Variants in PAMR1 observed in about 807,000 individuals in gnomAD.
PAMR1 encodes peptidase domain containing associated with muscle regeneration 1, also known as inactive serine protease PAMR1.
PAMR1 carries 88 observed loss-of-function variants against 81.8 expected under a neutral mutation model. That is an observed-to-expected ratio of 1.08 (90% CI 0.91 to 1.28). The LOEUF is 1.28. Among genes scored for constraint, PAMR1 ranks in the 50% most tolerant of loss-of-function variants. PAMR1 has a pLI of 0.00. For missense variants in PAMR1, 935 were observed against 919.7 expected (o/e 1.02, Z -0.21); for synonymous variants, 336 against 345.3 (o/e 0.97, Z 0.30).
Position 35,432,411 on chromosome 11 carries a change from G to C in PAMR1, c.2108C>G (p.Thr703Ser). 1 of 1,614,030 alleles carries C rather than the reference G, an allele frequency of 6.2e-7. No homozygotes were observed. Among genetic ancestry groups the C allele is most frequent in the Non-Finnish European group, 8.5e-7 (1 of 1,180,038 alleles). ...YDKTCSHRLS[T>S]AFTKVLPFKD... ...AAAAGGCAGCACCTTGGTGAAGGCA[G>C]TGGAGAGCCTGTGGCTGCATGTTTT... Residue 703 changes from threonine (T) to serine (S), a missense_variant, in exon 11 of 11, where the codon ACT becomes AGT. By Grantham distance (58) the Thr-to-Ser change is moderately conservative (BLOSUM62 1). Transcript: ENST00000619888.
At chr11:35,469,046 T>G (rs1411325253) in intron 5 of PAMR1, among the ~76,000 whole-genome samples, 1 of 152,170 alleles carries the variant, frequency 6.6e-6, no homozygotes, top group African/African-American at 2.4e-5. Flanking sequence ...ATAGTTAGTG[T>G]ATTACGAAGA....
In PAMR1 at chr11:35,436,015, A is replaced by G. The variant is rs140461507; in HGVS notation, c.1221T>C (p.His407=). The G allele has an allele frequency of 6.2e-7, 1 of 1,613,986 alleles. No homozygotes were observed. The highest frequency in any genetic ancestry group is 8.5e-7 in the Non-Finnish European group (1 of 1,179,990). Residue 407 remains histidine, a synonymous_variant, in exon 9 of 11, where the codon CAT becomes CAC. Transcript: ENST00000619888. The part of the protein sequence containing the change: ...GDLPMGYQHL[H]TQLQYECISP... ...AGATGCACTCATACTGGAGCTGGGT[A>G]TGCAGATGTTGGTATCCCATGGGCA...
chr11:35,435,965 C>T lies in PAMR1; in HGVS notation c.1271G>A (p.Ser424Asn). Residue 424 changes from serine (S) to asparagine (N), a missense_variant, in exon 9 of 11, where the codon AGC (serine) becomes AAC (asparagine). Transcript: ENST00000619888. ...CISPFYRRLG[S>N]SRRTCLRTGK... is the part of the protein sequence containing the mutation. ...AGTCCTCAGACATGTCCTCCTGCTG[C>T]TGCCCAGGCGGCGGTAGAAGGGTGA... 6.2e-7 allele frequency: 1 copy of T among 1,614,238 alleles called. No homozygotes were observed.
chr11:35,504,436 A>T (rs561580175), intron 1 of PAMR1, among the ~76,000 whole-genome samples: 2 of 152,102 alleles, frequency 1.3e-5, no homozygotes, highest in South Asian at 4.1e-4. Context: ...TTTTTGGTAG[A>T]GTTTAAGGAA....
chr11:35,468,894 C>T (rs1194528567), intron 5 of PAMR1, among the ~76,000 whole-genome samples: 1 of 152,186 alleles, frequency 6.6e-6, no homozygotes, highest in Non-Finnish European at 1.5e-5. Flanking sequence ...AAGTATATTC[C>T]TTGGCTCAGT....
intron 6 of PAMR1, among the ~76,000 whole-genome samples, chr11:35,466,640 T>G (rs1856761813): frequency 7.1e-6 from 1 of 141,542 alleles, no homozygotes. Context: ...GGCAGGAGAA[T>G]GGCGTGAACC....
At chr11:35,466,551 A>G (rs370819058) in intron 6 of PAMR1, among the ~76,000 whole-genome samples, 89 of 151,932 alleles carry the variant, frequency 5.9e-4, no homozygotes, top group African/African-American at 2.1e-3. Flanking sequence ...CACGGTGCAA[A>G]CCCGTCTCTG....
upstream of PAMR1, among the ~76,000 whole-genome samples, chr11:35,529,224 CA>C (rs565527969): frequency 4.9e-4 from 74 of 152,300 alleles, no homozygotes; most frequent in Non-Finnish European, 6.5e-4. Flanking sequence ...AAATCATATG[CA>C]AATTTTTGCA....
chr11:35,511,985 G>A (rs1851081673), intron 1 of PAMR1, among the ~76,000 whole-genome samples: 1 of 152,176 alleles, frequency 6.6e-6, no homozygotes, highest in African/African-American at 2.4e-5. Context: ...AGTCTAGCCT[G>A]GCTGGATCTC....
At position 35,494,652 on chromosome 11, in the gene PAMR1, T is replaced by A. The variant is rs539028275; in HGVS notation, c.74-380A>T. Among the ~76,000 whole-genome samples, 19 of 152,234 alleles carry A rather than the reference T, an allele frequency of 1.2e-4. 1 individual carries two copies. Among genetic ancestry groups the A allele is most frequent in the South Asian group, 1.2e-3 (6 of 4,824 alleles). On this transcript the variant is annotated intron_variant, in intron 1 of 10. Transcript: ENST00000619888. ...CCGGCCCAGGGAGTGGTAAGACTCT[T>A]AAGTACTCTACTGCTAAGAGGCAAC...
Position 35,494,146 on chromosome 11 carries a change from G to C in PAMR1, c.200C>G (p.Pro67Arg), listed in dbSNP as rs753677391. Residue 67 changes from proline to arginine, a missense_variant, in exon 2 of 11, where the codon CCT (proline) becomes CGT (arginine). By Grantham distance (103) the Pro-to-Arg change is moderately radical. Coordinates refer to ENST00000619888, the MANE Select transcript of PAMR1 (RefSeq NM_001001991.3). The stretch of plus-strand genomic sequence containing the variant: ...CTCATTCTCCTCATTCCTGCAGCAA[G>C]GGATGGTATAACCCACGACTTCCCT... The part of the protein sequence containing the change: ...GKREVVGYTI[P>R]CCRNEENECD... The C allele has an allele frequency of 6.2e-7, 1 of 1,614,148 alleles. No individual in the cohort carries two copies. Among genetic ancestry groups the C allele is most frequent in the Non-Finnish European group, 8.5e-7 (1 of 1,179,968 alleles).
chr11:35,444,931 A>G (rs888465689), intron 6 of PAMR1, among the ~76,000 whole-genome samples: 3 of 152,218 alleles, frequency 2.0e-5, no homozygotes, highest in Non-Finnish European at 2.9e-5. Flanking sequence ...TACTTTGGGC[A>G]GTATGGCCAT....
chr11:35,445,355 T>G (rs1425327131), intron 6 of PAMR1, among the ~76,000 whole-genome samples: 1 of 151,720 alleles, frequency 6.6e-6, no homozygotes, highest in Non-Finnish European at 1.5e-5. Context: ...CTGATTGCCC[T>G]GGCCCGAACT....
At chr11:35,529,697 T>TC (rs1192435434), upstream of PAMR1, among the ~76,000 whole-genome samples, 2 of 152,102 alleles carry the variant, frequency 1.3e-5, no homozygotes. Context: ...GATGCTTATC[T>TC]CCCCCTCTGC....
intron 3 of PAMR1, among the ~76,000 whole-genome samples, chr11:35,475,224 T>C (rs1411617255): frequency 6.6e-6 from 1 of 152,196 alleles, no homozygotes; most frequent in African/African-American, 2.4e-5. Flanking sequence ...AATCAAGGCA[T>C]TAATTTATTC....
chr11:35,474,464 T>C (rs1767280342), intron 4 of PAMR1, among the ~76,000 whole-genome samples, 166 bp downstream of exon 4: 1 of 152,212 alleles, frequency 6.6e-6, no homozygotes, highest in Non-Finnish European at 1.5e-5. Flanking sequence ...GACAAGCATT[T>C]AGTTGGCTGC....
At chr11:35,528,757 C>G (rs2135433926), upstream of PAMR1, among the ~76,000 whole-genome samples, 1 of 152,274 alleles carries the variant, frequency 6.6e-6, no homozygotes, top group Non-Finnish European at 1.5e-5. Flanking sequence ...TCTCTAGGTT[C>G]AGGGGTCTGG....
At chr11:35,481,321 A>G (rs1455219649) in intron 3 of PAMR1, among the ~76,000 whole-genome samples, 2 of 152,172 alleles carry the variant, frequency 1.3e-5, no homozygotes, top group Admixed American at 1.3e-4. Context: ...CATTCCCACC[A>G]ACAGTTTAAA....
chr11:35,475,454 A>C lies in PAMR1; in HGVS notation c.380-710T>G, dbSNP rs189163135. ...TAGGGGCCCAAAACCCTCCACCCCG[A>C]TCCTTACCTAGTCTGCTGAGTTACC... On this transcript the variant is annotated intron_variant, in intron 3 of 10. Coordinates refer to ENST00000619888, the MANE Select transcript of PAMR1 (RefSeq NM_001001991.3). 3.2e-3 allele frequency among the ~76,000 whole-genome samples: 491 copies of C among 152,310 alleles called. 4 individuals carry two copies. The Middle Eastern group carries it at 0.034, about 11-fold the overall frequency.
Sources: gnomAD v4.1 joint callset for allele counts (sites outside exome capture counted in the v4.1 genomes callset) on GRCh38, gnomAD v4.1.1 for gene constraint, MANE v1.5 for transcripts, NCBI Gene and HGNC (gene_info 2026-07-23, HGNC 2026-07-21) for gene names.